Variants in PCDHGA6 observed in about 807,000 individuals in gnomAD.
PCDHGA6 encodes protocadherin gamma subfamily A, 6.
PCDHGA6 carries 41 observed loss-of-function variants against 60.6 expected under a neutral mutation model. The ratio of observed to expected loss-of-function variants is 0.68; its 90% CI spans 0.53 to 0.88. The LOEUF is 0.88. Ranked by LOEUF, PCDHGA6 falls within the 40% of genes least tolerant of loss-of-function variation. The pLI is 0.00. For synonymous variants in PCDHGA6, 594 were observed against 524.4 expected (o/e 1.13, Z -1.81); for missense variants, 1,312 against 1,203.0 (o/e 1.09, Z -1.34).
chr5:141,375,214 C>G lies in PCDHGA6; in HGVS notation c.1131C>G (p.Gly377=). The change falls in exon 1 of 4, where the codon GGC becomes GGG. Residue 377 remains glycine (G), a synonymous_variant. Transcript: ENST00000517434. ...TTCAAGTGTTCGATCGAGACTCTGG[C>G]CTGAATGGCCTGGTAACCTGTTCCA... ...ALFQVFDRDS[G]LNGLVTCSIP... The G allele has an allele frequency of 6.2e-7, 1 of 1,613,810 alleles. No homozygotes were observed.
intron 1 of PCDHGA6, chr5:141,429,251 A>C (rs2097199889): frequency 6.6e-6 from 1 of 151,884 alleles, no homozygotes; most frequent in Non-Finnish European, 1.5e-5. Context: ...GAGATATTTT[A>C]ATTGAGGAAT....
chr5:141,377,998 G>A (rs757547607), intron 1 of PCDHGA6: 3 of 152,116 alleles, frequency 2.0e-5, no homozygotes, highest in Non-Finnish European at 4.4e-5. Context: ...CTAAAGCTTG[G>A]CTCAAATAAG....
chr5:141,510,582 A>G (rs1156375287), intron 3 of PCDHGA6, among the ~76,000 whole-genome samples: 2 of 152,166 alleles, frequency 1.3e-5, no homozygotes, highest in Non-Finnish European at 2.9e-5. Context: ...TATTTTACGT[A>G]CCTGACATAC....
intron 1 of PCDHGA6, chr5:141,422,893 C>A (rs1405800318): frequency 4.3e-6 from 7 of 1,614,246 alleles, no homozygotes; most frequent in Non-Finnish European, 5.9e-6. Context: ...CGTGCTGGAC[C>A]AGAACGACAA....
chr5:141,387,653 A>C (rs981670504), intron 1 of PCDHGA6: 11 of 639,608 alleles, frequency 1.7e-5, no homozygotes, highest in Non-Finnish European at 2.9e-5. Context: ...CAAAGTGGAG[A>C]GCTTGGCGCT....
intron 1 of PCDHGA6, chr5:141,410,517 C>T: frequency 6.2e-7 from 1 of 1,613,926 alleles, no homozygotes; most frequent in Non-Finnish European, 8.5e-7. Flanking sequence ...TGCAGTGTGC[C>T]CCTACATTCC....
intron 1 of PCDHGA6, chr5:141,418,388 T>C: frequency 6.2e-7 from 1 of 1,613,942 alleles, no homozygotes; most frequent in Non-Finnish European, 8.5e-7. Flanking sequence ...TCCTAACGAG[T>C]ATTTCTCATT....
At chr5:141,481,077 G>A (rs1251064585) in intron 1 of PCDHGA6, among the ~76,000 whole-genome samples, 5 of 151,906 alleles carry the variant, frequency 3.3e-5, no homozygotes, top group Non-Finnish European at 7.4e-5. Context: ...AAGAAAGAAA[G>A]AAAAAAGAAA....
chr5:141,490,561 A>G lies in PCDHGA6; in HGVS notation c.2425-4246A>G. On this transcript the variant is annotated intron_variant, in intron 1 of 3. Coordinates refer to ENST00000517434, the MANE Select transcript of PCDHGA6 (RefSeq NM_018919.3). This position sits in a 1 kb window ranked among gnomAD's most constrained non-coding sequence, Gnocchi z 5.4. Reference sequence around the variant, plus strand: ...TTCCCTACACAAACATCTCACCATCAGGCTCAACATTTCAGATGTCAATGA... The same window carrying G: ...TTCCCTACACAAACATCTCACCATCGGGCTCAACATTTCAGATGTCAATGA... 6.2e-7 allele frequency: 1 copy of G among 1,614,090 alleles called. No individual in the cohort carries two copies. The highest frequency in any genetic ancestry group is 8.5e-7 in the Non-Finnish European group (1 of 1,180,004).
chr5:141,491,794 TCCGG>T lies in PCDHGA6; in HGVS notation c.2425-3007_2425-3004del. The T allele has an allele frequency of 6.6e-7, 1 of 1,511,056 alleles. No homozygotes were observed. The highest frequency in any genetic ancestry group is 8.8e-7 in the Non-Finnish European group (1 of 1,130,146). 93.6% of individuals were successfully genotyped at this position (1,511,056 alleles called of 1,614,324 possible). A position where few individuals can be genotyped will look rare whatever the true frequency, so the allele number is the denominator to read the frequency against. Reference sequence around the variant, plus strand: ...GGGATTGAACTTGCATCCACTCCTCTCCGGCCGGCTTGGTCGCTGGCTGCGCTCC... The same window carrying T: ...GGGATTGAACTTGCATCCACTCCTCTCCGGCTTGGTCGCTGGCTGCGCTCC... On this transcript the variant is annotated intron_variant, in intron 1 of 3. Transcript: ENST00000517434. The surrounding 1 kb of genome is among the most constrained non-coding windows in gnomAD (Gnocchi z 6.9).
chr5:141,442,774 AT>A (rs2098342677), intron 1 of PCDHGA6, among the ~76,000 whole-genome samples: 1 of 152,188 alleles, frequency 6.6e-6, no homozygotes, highest in Non-Finnish European at 1.5e-5. Flanking sequence ...TATGTGTTTG[AT>A]TATATTTTAT....
Position 141,491,754 on chromosome 5 carries a change from C to T in PCDHGA6, c.2425-3053C>T. ...CCCCTGGGGGCGGCACTGGAGAAGC[C>T]GCCCGTCCTCATAAGGGATTGAACT... On this transcript the variant is annotated intron_variant, in intron 1 of 3. Transcript: ENST00000517434. The surrounding 1 kb of genome is among the most constrained non-coding windows in gnomAD (Gnocchi z 6.9). 5.7e-6 allele frequency: 9 copies of T among 1,582,682 alleles called. No individual in the cohort carries two copies. The highest frequency in any genetic ancestry group is 7.7e-6 in the Non-Finnish European group (9 of 1,165,614).
chr5:141,418,804 T>A, intron 1 of PCDHGA6: 2 of 1,613,836 alleles, frequency 1.2e-6, no homozygotes, highest in Non-Finnish European at 1.7e-6. Flanking sequence ...TAGAAAGATA[T>A]ACGATAAACA....
In PCDHGA6 at chr5:141,431,827, TC is replaced by T. The variant is rs571306928; in HGVS notation, c.2424+55323del. 1.2e-3 allele frequency: 2,007 copies of T among 1,614,226 alleles called. No individual in the cohort carries two copies. The highest frequency in any genetic ancestry group is 1.5e-3 in the Non-Finnish European group (1,827 of 1,180,024). On this transcript the variant is annotated intron_variant, in intron 1 of 3. Coordinates refer to ENST00000517434, the MANE Select transcript of PCDHGA6 (RefSeq NM_018919.3). This position sits in a 1 kb window ranked among gnomAD's most constrained non-coding sequence, Gnocchi z 4.8. ...TCCTCACCTCTCTCGCCAGCTCGGT[TC>T]CCGAAAACTCTCCCAGAGGGACATT...
chr5:141,503,372 G>A (rs1275544964), intron 2 of PCDHGA6, among the ~76,000 whole-genome samples: 1 of 151,968 alleles, frequency 6.6e-6, no homozygotes, highest in Non-Finnish European at 1.5e-5. Context: ...GGAGGCAGGT[G>A]GATCATGAGG....
chr5:141,506,209 G>A (rs549403288), intron 3 of PCDHGA6, among the ~76,000 whole-genome samples: 3 of 152,284 alleles, frequency 2.0e-5, no homozygotes, highest in African/African-American at 7.2e-5. Context: ...CCAGCACTTT[G>A]GGAAGCTGAG....
Position 141,376,584 on chromosome 5 carries a change from T to C in PCDHGA6, c.2424+77T>C, listed in dbSNP as rs770132968. On this transcript the variant is annotated intron_variant, in intron 1 of 3. Coordinates refer to ENST00000517434, the MANE Select transcript of PCDHGA6 (RefSeq NM_018919.3). Reference sequence around the variant, plus strand: ...CAACTAATCAGACAGGCTCATCAGCTAGATCGGCTGTTATAGAAGCGAACC... The same window carrying C: ...CAACTAATCAGACAGGCTCATCAGCCAGATCGGCTGTTATAGAAGCGAACC... 12 of 1,584,754 alleles carry C rather than the reference T, an allele frequency of 7.6e-6. No individual in the cohort carries two copies. In the East Asian group the frequency reaches 2.2e-4, roughly 30 times the overall value.
intron 2 of PCDHGA6, among the ~76,000 whole-genome samples, chr5:141,502,866 C>CTCTTTTTT (rs1554188502): frequency 2.3e-5 from 3 of 128,046 alleles, no homozygotes; most frequent in Non-Finnish European, 3.2e-5. Flanking sequence ...GACTCTCTGT[C>CTCTTTTTT]TTTTTTTTTT....
intron 1 of PCDHGA6, chr5:141,415,740 G>GTTTTTTGTTT (rs2095911797): frequency 3.9e-6 from 2 of 515,998 alleles, no homozygotes; most frequent in African/African-American, 2.8e-5. Context: ...GTTTATTAAG[G>GTTTTTTGTTT]TTTTTTTTTT....
Sources: gnomAD v4.1 joint callset for allele counts (sites outside exome capture counted in the v4.1 genomes callset) on GRCh38, gnomAD v4.1.1 for gene constraint, Gnocchi (gnomAD v3.1) non-coding constraint, MANE v1.5 for transcripts, NCBI Gene and HGNC (gene_info 2026-07-23, HGNC 2026-07-21) for gene names.